The following TRPM3 variants were observed in gnomAD, a reference collection of about 807,000 sequenced individuals.
TRPM3 encodes transient receptor potential cation channel subfamily M member 3.
A neutral mutation model predicts 181.2 loss-of-function variants in TRPM3; 77 were observed. The observed-to-expected ratio is 0.42, with a 90% CI of 0.35 to 0.51. The LOEUF (loss-of-function observed/expected upper bound fraction) is 0.51, where lower values mean the gene tolerates loss of function less well. TRPM3 is among the 20% of genes least tolerant of loss of function. The pLI is 0.01. For synonymous variants in TRPM3, 745 were observed against 796.4 expected, an observed-to-expected ratio of 0.94 and a Z score of 1.09; for missense variants, 1,759 against 2,196.7, an observed-to-expected ratio of 0.80 and a Z score of 3.98.
In TRPM3 at chr9:71,169,814, T is replaced by C. The variant is rs574587143; in HGVS notation, c.183+276839A>G. On this transcript the variant is annotated intron_variant, in intron 1 of 24. Coordinates refer to the TRPM3 transcript ENST00000357533. ...GGTTTAGTATAAAAATATAAATTTT[T>C]AGAAATATTTTTTATATTTTTATAT... Among the ~76,000 whole-genome samples the C allele has an allele frequency of 4.0e-5, 6 of 151,320 alleles. No individual in the cohort carries two copies. In the South Asian group the frequency reaches 1.2e-3, roughly 31 times the overall value.
chr9:71,177,289 C>T (rs911609290), intron 1 of TRPM3, among the ~76,000 whole-genome samples: 21 of 152,004 alleles, frequency 1.4e-4, no homozygotes, highest in African/African-American at 5.1e-4. Context: ...ATATATATTA[C>T]AATGTAATGA....
intron 1 of TRPM3, among the ~76,000 whole-genome samples, chr9:71,114,735 A>G (rs2071922807): frequency 6.6e-6 from 1 of 152,176 alleles, no homozygotes; most frequent in African/African-American, 2.4e-5. Context: ...TCTAAGGGAC[A>G]TGCCCTTGAG....
intron 1 of TRPM3, among the ~76,000 whole-genome samples, chr9:71,290,227 T>C (rs1204629187): frequency 4.6e-5 from 7 of 152,046 alleles, no homozygotes; most frequent in African/African-American, 1.2e-4. Context: ...ACTGATAAGA[T>C]ACCGGGTTAT....
intron 1 of TRPM3, among the ~76,000 whole-genome samples, chr9:70,955,456 A>C (rs946987721): frequency 4.6e-5 from 7 of 152,174 alleles, no homozygotes; most frequent in Non-Finnish European, 8.8e-5. Context: ...CCATGTCTCT[A>C]GTTCTGAATG....
At chr9:71,325,864 A>G (rs2089646924) in intron 1 of TRPM3, among the ~76,000 whole-genome samples, 1 of 152,160 alleles carries the variant, frequency 6.6e-6, no homozygotes, top group Non-Finnish European at 1.5e-5. Flanking sequence ...TACTCTGCTT[A>G]TAACAATGTA....
At chr9:70,641,414 A>G (rs2058044683) in intron 9 of TRPM3, among the ~76,000 whole-genome samples, 1 of 152,182 alleles carries the variant, frequency 6.6e-6, no homozygotes, top group African/African-American at 2.4e-5. Flanking sequence ...GCTCTCATCA[A>G]CTAGCGTACC....
intron 1 of TRPM3, among the ~76,000 whole-genome samples, chr9:70,972,407 T>G (rs1039959815): frequency 6.6e-6 from 1 of 152,178 alleles, no homozygotes; most frequent in Non-Finnish European, 1.5e-5. Flanking sequence ...TCCACTTACA[T>G]TAAATGTTCA....
intron 7 of TRPM3, among the ~76,000 whole-genome samples, chr9:70,777,645 A>AC (rs35246611): frequency 0.086 from 13,058 of 152,094 alleles, 578 homozygotes; most frequent in South Asian, 0.11. Flanking sequence ...ATTTACTCCA[A>AC]CCTATGCTTC....
intron 1 of TRPM3, among the ~76,000 whole-genome samples, chr9:71,261,531 C>G (rs866427945): frequency 3.0e-4 from 46 of 152,312 alleles, no homozygotes; most frequent in African/African-American, 1.0e-3. Context: ...ATTTCTCCAT[C>G]CAGTTTTGTT....
intron 1 of TRPM3, among the ~76,000 whole-genome samples, chr9:71,225,371 T>C (rs1301489532): frequency 3.3e-5 from 5 of 152,006 alleles, no homozygotes; most frequent in Non-Finnish European, 5.9e-5. Flanking sequence ...TAGAATAGTA[T>C]ATCTAGTAAA....
At chr9:70,737,880 C>T (rs547134253) in intron 8 of TRPM3, among the ~76,000 whole-genome samples, 1 of 152,134 alleles carries the variant, frequency 6.6e-6, no homozygotes, top group Non-Finnish European at 1.5e-5. Context: ...AAAACAATTA[C>T]TACTAGACCT....
At chr9:70,628,269 C>A (rs867405155) in intron 12 of TRPM3, among the ~76,000 whole-genome samples, 74 of 152,290 alleles carry the variant, frequency 4.9e-4, no homozygotes, top group African/African-American at 1.7e-3. Context: ...CCCATCGTGT[C>A]ATTTTCCCTG....
chr9:71,191,680 T>G (rs1587865315), intron 1 of TRPM3, among the ~76,000 whole-genome samples: 1 of 151,854 alleles, frequency 6.6e-6, no homozygotes, highest in African/African-American at 2.4e-5. Context: ...AGCATTGCTG[T>G]TTTGCCAATT....
chr9:71,002,166 A>G (rs544490068), intron 1 of TRPM3, among the ~76,000 whole-genome samples: 25 of 152,178 alleles, frequency 1.6e-4, no homozygotes, highest in Admixed American at 1.6e-3. Context: ...TTCTGCTCCT[A>G]TGTCCTTAGA....
intron 12 of TRPM3, among the ~76,000 whole-genome samples, chr9:70,629,819 TCA>T (rs1277298338): frequency 2.0e-5 from 3 of 152,242 alleles, no homozygotes; most frequent in Non-Finnish European, 4.4e-5. Flanking sequence ...ATCTGTTTCT[TCA>T]CAGAGATTTT....
chr9:70,915,143 C>T (rs2096578262), intron 1 of TRPM3, among the ~76,000 whole-genome samples: 2 of 152,132 alleles, frequency 1.3e-5, no homozygotes. Context: ...TGTGACCTTA[C>T]AGACAAATAA....
At chr9:70,560,024 T>C (rs1204472908) in intron 22 of TRPM3, among the ~76,000 whole-genome samples, 1 of 152,142 alleles carries the variant, frequency 6.6e-6, no homozygotes, top group African/African-American at 2.4e-5. Context: ...TGTGGGATCG[T>C]CAAAAGTGAA....
intron 1 of TRPM3, among the ~76,000 whole-genome samples, chr9:71,130,374 GT>G (rs2074296285): frequency 6.6e-6 from 1 of 152,118 alleles, no homozygotes; most frequent in South Asian, 2.1e-4. Context: ...TATGACGTTT[GT>G]TTCAATGACA....
At chr9:70,618,820 CA>C in intron 17 of TRPM3, 46 bp downstream of exon 17, 1 of 1,552,442 alleles carries the variant, frequency 6.4e-7, no homozygotes, top group Non-Finnish European at 8.8e-7. Flanking sequence ...AACTCTAACC[CA>C]CCCGCCGGTC....
Sources: allele counts gnomAD v4.1 joint callset (sites outside exome capture counted in the v4.1 genomes callset), GRCh38; gene constraint gnomAD v4.1.1; transcripts MANE v1.5; gene names NCBI Gene and HGNC (gene_info 2026-07-23, HGNC 2026-07-21).